AIM2: variants seen among roughly 807,000 people sequenced by gnomAD.
The protein encoded by AIM2 is absent in melanoma 2, also known as interferon-inducible protein AIM2.
Under a neutral mutation model 27.7 loss-of-function variants are expected in AIM2, and 30 were observed. The observed-to-expected ratio is 1.08, with a 90% CI of 0.81 to 1.47. The LOEUF (loss-of-function observed/expected upper bound fraction) is 1.47, where lower values mean the gene tolerates loss of function less well. Ranked by LOEUF, AIM2 falls within the 40% of genes most tolerant of loss-of-function variation. AIM2 has a pLI of 0.00. For missense variants in AIM2, 358 were observed against 411.3 expected (o/e 0.87, Z 1.12); for synonymous variants, 141 against 145.3 (o/e 0.97, Z 0.21).
chr1:159,133,929 C>T lies in AIM2; in HGVS notation c.-16+6502G>A, dbSNP rs148622558. 2.9e-3 allele frequency among the ~76,000 whole-genome samples: 436 copies of T among 152,240 alleles called. 5 individuals carry two copies. Among genetic ancestry groups the T allele is most frequent in the African/African-American group, 1.0e-2 (414 of 41,530 alleles). On this transcript the variant is annotated intron_variant, in intron 1 of 2. Transcript: ENST00000368129. ...TCCAAAATTAAATCAGCAGTTCAGA[C>T]CTGACCTGACTCTCACCTTCATACG...
chr1:159,065,840 GTTTC>G, intron 4 of AIM2, 66 bp downstream of exon 4: 2 of 1,469,390 alleles, frequency 1.4e-6, no homozygotes, highest in South Asian at 1.4e-5. Flanking sequence ...CATTTCCAAA[GTTTC>G]TTTAAGATCA....
chr1:159,079,422 T>C (rs1048863043), upstream of AIM2, among the ~76,000 whole-genome samples: 1 of 152,144 alleles, frequency 6.6e-6, no homozygotes, highest in Non-Finnish European at 1.5e-5. Flanking sequence ...AATAACCAGC[T>C]AATAAGCATT....
chr1:159,090,392 C>A (rs971963875), intron 1 of AIM2, among the ~76,000 whole-genome samples: 5 of 152,164 alleles, frequency 3.3e-5, no homozygotes, highest in Non-Finnish European at 4.4e-5. Flanking sequence ...CAAAAATATA[C>A]CAGAATGTAA....
intron 1 of AIM2, among the ~76,000 whole-genome samples, chr1:159,098,506 T>C (rs1479395429): frequency 6.6e-6 from 1 of 152,224 alleles, no homozygotes; most frequent in African/African-American, 2.4e-5. Context: ...GCTACTGTAG[T>C]GGACAACAGA....
At chr1:159,128,862 C>T (rs1647791782) in intron 1 of AIM2, among the ~76,000 whole-genome samples, 2 of 152,168 alleles carry the variant, frequency 1.3e-5, no homozygotes, top group Admixed American at 6.5e-5. Context: ...TATGTTTGAT[C>T]CCTCTACATT....
intron 1 of AIM2, among the ~76,000 whole-genome samples, chr1:159,099,709 T>C (rs888763818): frequency 6.6e-6 from 1 of 152,180 alleles, no homozygotes; most frequent in Non-Finnish European, 1.5e-5. Context: ...CCTACAGCTC[T>C]AGGATCCTCC....
chr1:159,057,784 CA>C (rs1298701532), downstream of AIM2, among the ~76,000 whole-genome samples: 1 of 151,974 alleles, frequency 6.6e-6, no homozygotes, highest in Non-Finnish European at 1.5e-5. Flanking sequence ...AAAAAACAAA[CA>C]AAAAAACATA....
chr1:159,062,246 A>G (rs766493186), downstream of AIM2, among the ~76,000 whole-genome samples: 2 of 152,204 alleles, frequency 1.3e-5, no homozygotes, highest in Non-Finnish European at 2.9e-5. Flanking sequence ...TCATTGCCCT[A>G]TGGGACAAAA....
In AIM2 at chr1:159,065,950, G is replaced by A; in HGVS notation, c.776C>T (p.Pro259Leu). 6.2e-7 allele frequency: 1 copy of A among 1,613,826 alleles called. No individual in the cohort carries two copies. Among genetic ancestry groups the A allele is most frequent in the East Asian group, 2.2e-5 (1 of 44,886 alleles). The part of the protein sequence containing the change: ...TPKINTLQTQ[P>L]LGTIVNGLFV... ...CAAACCATTCACAATTGTTCCAAGGGGCTGAGTTTGAAGCGTGTTGATCTT... is the reference window on the plus strand; with the variant it reads ...CAAACCATTCACAATTGTTCCAAGGAGCTGAGTTTGAAGCGTGTTGATCTT... Residue 259 changes from proline (P) to leucine (L), a missense_variant, in exon 4 of 6, where the codon CCC (proline) becomes CTC (leucine). Physicochemically the swap from Pro to Leu is moderately conservative, Grantham distance 98. Coordinates refer to ENST00000368130, the MANE Select transcript of AIM2 (RefSeq NM_004833.3).
intron 1 of AIM2, among the ~76,000 whole-genome samples, chr1:159,127,771 A>G (rs1570980502): frequency 6.6e-6 from 1 of 152,214 alleles, no homozygotes; most frequent in East Asian, 1.9e-4. Context: ...TTGACCTTGG[A>G]CTTCCCAAGG....
intron 2 of AIM2, among the ~76,000 whole-genome samples, chr1:159,072,989 TA>T (rs1282544449): frequency 6.6e-6 from 1 of 152,172 alleles, no homozygotes; most frequent in African/African-American, 2.4e-5. Flanking sequence ...GAAAAGATGT[TA>T]AATGGAAGTG....
chr1:159,105,844 C>T (rs954203341), intron 1 of AIM2, among the ~76,000 whole-genome samples: 9 of 152,044 alleles, frequency 5.9e-5, no homozygotes, highest in Non-Finnish European at 1.2e-4. Context: ...AAAAAAGCAC[C>T]GTAAGTTCTC....
chr1:159,107,130 C>A (rs1657466984), intron 1 of AIM2, among the ~76,000 whole-genome samples: 1 of 152,116 alleles, frequency 6.6e-6, no homozygotes, highest in Non-Finnish European at 1.5e-5. Context: ...CTTTGGGAAA[C>A]AAAAATGCAA....
upstream of AIM2, among the ~76,000 whole-genome samples, chr1:159,140,721 A>C (rs1249272396): frequency 6.6e-6 from 1 of 152,186 alleles, no homozygotes; most frequent in Admixed American, 6.5e-5. Context: ...AATCCAAGCT[A>C]CATCACACAA....
chr1:159,101,062 C>T (rs1323530692), intron 1 of AIM2, among the ~76,000 whole-genome samples: 3 of 152,112 alleles, frequency 2.0e-5, no homozygotes, highest in Non-Finnish European at 2.9e-5. Context: ...GACAACATCA[C>T]ATATACTCAT....
intron 1 of AIM2, among the ~76,000 whole-genome samples, chr1:159,102,427 T>C (rs577677170): frequency 2.0e-5 from 3 of 152,228 alleles, no homozygotes. Context: ...ACAGAGTCCC[T>C]ACTGGGGCAC....
chr1:159,145,881 G>A (rs1478085809), intron 1 of AIM2, among the ~76,000 whole-genome samples: 1 of 152,140 alleles, frequency 6.6e-6, no homozygotes, highest in African/African-American at 2.4e-5. Context: ...GCCAAGACAG[G>A]CAGATCACGA....
intron 1 of AIM2, chr1:159,081,780 C>T (rs1436451749): frequency 5.7e-6 from 1 of 174,636 alleles, no homozygotes; most frequent in African/African-American, 2.4e-5. Flanking sequence ...CACGTAAACT[C>T]TTAAAATACT....
intron 3 of AIM2, 32 bp from the exon 4 acceptor site, chr1:159,066,361 G>A (rs747650285): frequency 1.9e-6 from 3 of 1,576,184 alleles, no homozygotes; most frequent in Non-Finnish European, 2.6e-6. Context: ...TATCAGCTGT[G>A]AGTCAAAAAG....
Sources: gnomAD v4.1 joint callset for allele counts (sites outside exome capture counted in the v4.1 genomes callset) on GRCh38, gnomAD v4.1.1 for gene constraint, MANE v1.5 for transcripts, NCBI Gene and HGNC (gene_info 2026-07-23, HGNC 2026-07-21) for gene names.